SORCS2: variants seen among roughly 807,000 people sequenced by gnomAD.
SORCS2 encodes VPS10 domain-containing receptor SorCS2.
In SORCS2, 100 loss-of-function variants were observed where a neutral mutation model predicts 141.6. That is an observed-to-expected ratio of 0.71 (90% CI 0.60 to 0.83). SORCS2 has a LOEUF of 0.83. Among genes scored for constraint, SORCS2 ranks in the 40% least tolerant of loss-of-function variants. The pLI is 0.00. For synonymous variants in SORCS2, 789 were observed against 676.9 expected, an observed-to-expected ratio of 1.17 and a Z score of -2.57; for missense variants, 1,646 against 1,560.2, an observed-to-expected ratio of 1.05 and a Z score of -0.93.
intron 11 of SORCS2, among the ~76,000 whole-genome samples, chr4:7,689,994 G>T (rs1441933508): frequency 1.3e-5 from 2 of 152,074 alleles, no homozygotes; most frequent in East Asian, 3.9e-4. Context: ...ATGGGTGGTA[G>T]ATGGATGGAT....
At chr4:7,645,063 T>C (rs1401775813) in intron 4 of SORCS2, among the ~76,000 whole-genome samples, 2 of 152,216 alleles carry the variant, frequency 1.3e-5, no homozygotes, top group African/African-American at 2.4e-5. Context: ...CATGAGGCAG[T>C]GATGCCAATG....
At chr4:7,715,045 G>C (rs2109041978) in intron 16 of SORCS2, 138 bp from the exon 17 acceptor site, 1 of 1,196,466 alleles carries the variant, frequency 8.4e-7, no homozygotes, top group Non-Finnish European at 1.2e-6. Context: ...GGTGTTCCTT[G>C]ATGTCCTCAC....
At chr4:7,466,965 G>C (rs79536991) in intron 2 of SORCS2, among the ~76,000 whole-genome samples, 1 of 152,148 alleles carries the variant, frequency 6.6e-6, no homozygotes, top group Non-Finnish European at 1.5e-5. Context: ...GGTGGGGCTT[G>C]TATGTATGCA....
At chr4:7,532,928 G>C (rs557693206) in intron 3 of SORCS2, among the ~76,000 whole-genome samples, 1 of 152,214 alleles carries the variant, frequency 6.6e-6, no homozygotes, top group East Asian at 1.9e-4. Flanking sequence ...GGGAGACCTG[G>C]CCCTGGGGAC....
chr4:7,293,712 C>T (rs115545491), intron 1 of SORCS2, among the ~76,000 whole-genome samples: 2,786 of 152,296 alleles, frequency 0.018, 43 homozygotes, highest in Middle Eastern at 0.058. Flanking sequence ...TCTCTACTGG[C>T]GATCCCTATG....
At chr4:7,632,647 G>A (rs768809509) in intron 3 of SORCS2, among the ~76,000 whole-genome samples, 3 of 152,208 alleles carry the variant, frequency 2.0e-5, no homozygotes, top group South Asian at 2.1e-4. Context: ...GCGGACTGCC[G>A]CAGAAAGGGC....
intron 1 of SORCS2, among the ~76,000 whole-genome samples, chr4:7,309,738 G>A (rs1718063466): frequency 6.6e-6 from 1 of 152,176 alleles, no homozygotes; most frequent in Admixed American, 6.5e-5. Flanking sequence ...AGCGTGGGCG[G>A]GGACGAGAGT....
At chr4:7,321,931 T>A (rs1192198498) in intron 1 of SORCS2, among the ~76,000 whole-genome samples, 2 of 151,780 alleles carry the variant, frequency 1.3e-5, no homozygotes, top group Non-Finnish European at 2.9e-5. Flanking sequence ...CATGGGGGAG[T>A]TGGCGTGGCT....
rs141159372 is a variant in SORCS2, at chr4:7,305,917, C to T, written c.481-90371C>T. ...GGACAAACACTTATGGGTGCAAACA[C>T]GGAGGGGTGAGGCTGGGGGCTATGC... On this transcript the variant is annotated intron_variant, in intron 1 of 26. Transcript: ENST00000507866. Among the ~76,000 whole-genome samples the T allele has an allele frequency of 2.5e-3, 377 of 152,176 alleles. 2 individuals carry two copies. Among genetic ancestry groups the T allele is most frequent in the Non-Finnish European group, 4.0e-3 (275 of 67,992 alleles).
At chr4:7,580,372 C>T (rs1233885142) in intron 3 of SORCS2, among the ~76,000 whole-genome samples, 1 of 152,090 alleles carries the variant, frequency 6.6e-6, no homozygotes, top group Non-Finnish European at 1.5e-5. Flanking sequence ...CGTTTGTAAT[C>T]CCAGCTACTC....
intron 2 of SORCS2, among the ~76,000 whole-genome samples, chr4:7,462,288 G>A (rs934178746): frequency 3.3e-5 from 5 of 152,222 alleles, no homozygotes; most frequent in African/African-American, 1.2e-4. Context: ...TCTCACCTGT[G>A]AGCGGGAGAT....
At chr4:7,453,407 T>C in intron 2 of SORCS2, among the ~76,000 whole-genome samples, 1 of 137,670 alleles carries the variant, frequency 7.3e-6, no homozygotes. Flanking sequence ...AGGAGCTGTG[T>C]GTTGGGGTCA....
chr4:7,460,386 G>A (rs1328232113), intron 2 of SORCS2, among the ~76,000 whole-genome samples: 1 of 152,234 alleles, frequency 6.6e-6, no homozygotes, highest in Non-Finnish European at 1.5e-5. Context: ...ACACTTCTAA[G>A]GTCCAGACAT....
At chr4:7,739,983 G>A (rs1025998504) in intron 26 of SORCS2, among the ~76,000 whole-genome samples, 3 of 152,152 alleles carry the variant, frequency 2.0e-5, no homozygotes, top group African/African-American at 7.2e-5. Context: ...AGGCCCTCTG[G>A]GGCCCACTGC....
At chr4:7,269,193 G>A (rs1333812931) in intron 1 of SORCS2, among the ~76,000 whole-genome samples, 2 of 152,224 alleles carry the variant, frequency 1.3e-5, no homozygotes, top group African/African-American at 2.4e-5. Flanking sequence ...GTGCTGGGAT[G>A]AGGGCCGGTG....
At chr4:7,289,497 C>T (rs759733979) in intron 1 of SORCS2, among the ~76,000 whole-genome samples, 3 of 152,158 alleles carry the variant, frequency 2.0e-5, no homozygotes, top group African/African-American at 4.8e-5. Flanking sequence ...GATACAGGCT[C>T]CTAGTGCCTG....
At chr4:7,607,792 C>T (rs1718155286) in intron 3 of SORCS2, among the ~76,000 whole-genome samples, 1 of 152,100 alleles carries the variant, frequency 6.6e-6, no homozygotes. Context: ...AAGTCACATT[C>T]CCAGGATCAC....
chr4:7,198,214 G>A (rs140769847), intron 1 of SORCS2, among the ~76,000 whole-genome samples: 6 of 152,274 alleles, frequency 3.9e-5, no homozygotes, highest in Admixed American at 2.6e-4. Context: ...TGGCTGCCCC[G>A]GCTCTGCAGG....
chr4:7,403,200 T>A (rs1345392214), intron 2 of SORCS2, among the ~76,000 whole-genome samples: 2 of 152,202 alleles, frequency 1.3e-5, no homozygotes, highest in African/African-American at 4.8e-5. Flanking sequence ...CACATCACTG[T>A]GTTGACTGTG....
Sources: allele counts gnomAD v4.1 joint callset (sites outside exome capture counted in the v4.1 genomes callset), GRCh38; gene constraint gnomAD v4.1.1; transcripts MANE v1.5; gene names NCBI Gene and HGNC (gene_info 2026-07-23, HGNC 2026-07-21).